Variants in BFSP1 observed in about 807,000 individuals in gnomAD.
BFSP1 encodes the protein filensin.
In BFSP1, 38 loss-of-function variants were observed where a neutral mutation model predicts 43.9. The ratio of observed to expected loss-of-function variants is 0.87; its 90% confidence interval spans 0.67 to 1.14. The LOEUF is 1.14. Among genes scored for constraint, BFSP1 ranks in the 50% most tolerant of loss-of-function variants. The pLI, the probability that BFSP1 is intolerant of heterozygous loss-of-function variation, is 0.00. For missense variants in BFSP1, 850 were observed against 875.1 expected (o/e 0.97, Z 0.36); for synonymous variants, 352 against 354.8 (o/e 0.99, Z 0.09).
In BFSP1 at chr20:17,493,967, T is replaced by C. The variant is rs1237664573; in HGVS notation, c.*107A>G. On this transcript the variant is annotated 3_prime_UTR_variant, in exon 8 of 8. Transcript: ENST00000377873. The stretch of plus-strand genomic sequence containing the variant: ...GCAATGCCAGATGGGTCAACTATGG[T>C]CTAATCCAAACAGGAACCCTCACCC... The C allele has an allele frequency of 3.6e-6, 4 of 1,106,262 alleles. No homozygotes were observed. Among genetic ancestry groups the C allele is most frequent in the East Asian group, 2.4e-5 (1 of 41,690 alleles). 68.5% of individuals were successfully genotyped at this position (1,106,262 alleles called of 1,614,324 possible). A position where few individuals can be genotyped will look rare whatever the true frequency, so the allele number is the denominator to read the frequency against.
Position 17,530,939 on chromosome 20 carries a change from T to A in BFSP1, c.377+14A>T, listed in dbSNP as rs1225654664. On this transcript the variant is annotated intron_variant, in intron 1 of 7. Transcript: ENST00000377873. ...CACGCCCTGCCTCGGTTTCCCCCGA[T>A]GGCCGCCGCTTACTTGCTTCGGAAC... The A allele has an allele frequency of 5.4e-5, 76 of 1,409,976 alleles. No individual in the cohort carries two copies. Among genetic ancestry groups the A allele is most frequent in the Non-Finnish European group, 6.7e-5 (73 of 1,085,378 alleles). 87.3% of individuals were successfully genotyped at this position (1,409,976 alleles called of 1,614,324 possible).
At chr20:17,567,212 G>GCT (rs777726495) in intron 1 of BFSP1, among the ~76,000 whole-genome samples, 11 of 152,114 alleles carry the variant, frequency 7.2e-5, no homozygotes, top group Non-Finnish European at 1.6e-4. Context: ...AAAAATGGGG[G>GCT]CTCATCTTAA....
In BFSP1 at chr20:17,496,929, G is replaced by A. The variant is rs1227211440; in HGVS notation, c.1042+9C>T. 6.5e-7 allele frequency: 1 copy of A among 1,528,074 alleles called. No individual in the cohort carries two copies. Among genetic ancestry groups the A allele is most frequent in the Admixed American group, 2.2e-5 (1 of 45,256 alleles). The allele number at this position is 1,528,074 out of a possible 1,614,324, so 94.7% of individuals were successfully genotyped here. A position where few individuals can be genotyped will look rare whatever the true frequency, so the allele number is the denominator to read the frequency against. ...AAAAAAACAGAAGTCCAGTGTTGGG[G>A]AGCGTTACCTTTCCCACCGGATCCA... On this transcript the variant is annotated intron_variant, in intron 7 of 7. Transcript: ENST00000377873.
At chr20:17,508,262 C>A (rs572443198) in intron 5 of BFSP1, among the ~76,000 whole-genome samples, 1 of 152,122 alleles carries the variant, frequency 6.6e-6, no homozygotes, top group Non-Finnish European at 1.5e-5. Flanking sequence ...GAAGATGAGC[C>A]GGCAAGTAGC....
chr20:17,511,980 C>T lies in BFSP1; in HGVS notation c.623G>A (p.Arg208Lys), dbSNP rs752477946. Residue 208 changes from arginine to lysine, a missense_variant, in exon 4 of 8, where the codon AGG becomes AAG. Arg to Lys is a conservative substitution (Grantham distance 26). Coordinates refer to ENST00000377873, the MANE Select transcript of BFSP1 (RefSeq NM_001195.5). Reference protein sequence around the residue: ...PPASIVTSGMREEKLLTEREV... With the variant: ...PPASIVTSGMKEEKLLTEREV... Reference sequence around the variant, plus strand: ...TTTTCCTGCTTCAATTCTTACCTCCCTCATCCCACTCGTCACAATGGATGC... The same window carrying T: ...TTTTCCTGCTTCAATTCTTACCTCCTTCATCCCACTCGTCACAATGGATGC... The T allele has an allele frequency of 8.7e-6, 14 of 1,603,726 alleles. No homozygotes were observed. Among genetic ancestry groups the T allele is most frequent in the Admixed American group, 6.7e-5 (4 of 59,966 alleles).
chr20:17,502,979 T>C (rs6111551), intron 5 of BFSP1, among the ~76,000 whole-genome samples: 31,576 of 152,090 alleles, frequency 0.21, 3,729 homozygotes, highest in Middle Eastern at 0.3. Context: ...AGAGGGGCCA[T>C]GTGTTGAGGG....
At chr20:17,529,067 G>GTA (rs2034479222) in intron 1 of BFSP1, among the ~76,000 whole-genome samples, 1 of 148,546 alleles carries the variant, frequency 6.7e-6, no homozygotes, top group Admixed American at 6.6e-5. Flanking sequence ...TTAAATAAGT[G>GTA]TGTGTGTGTG....
At chr20:17,517,299 G>C in intron 2 of BFSP1, 1 of 1,237,058 alleles carries the variant, frequency 8.1e-7, no homozygotes, top group South Asian at 1.2e-5. Flanking sequence ...CAACAAACCA[G>C]AAGACAAGGA....
At chr20:17,515,164 G>C (rs774679328) in intron 2 of BFSP1, among the ~76,000 whole-genome samples, 1 of 152,120 alleles carries the variant, frequency 6.6e-6, no homozygotes, top group Non-Finnish European at 1.5e-5. Context: ...CAATACACAG[G>C]ACAGCATCCC....
intron 1 of BFSP1, among the ~76,000 whole-genome samples, chr20:17,568,791 T>A (rs1163321569): frequency 6.6e-6 from 1 of 151,900 alleles, no homozygotes; most frequent in Non-Finnish European, 1.5e-5. Flanking sequence ...AACCTAGATT[T>A]TACGTAGTGC....
intron 3 of BFSP1, 80 bp from the exon 4 acceptor site, chr20:17,512,148 T>G: frequency 1.7e-6 from 2 of 1,183,958 alleles, no homozygotes; most frequent in Non-Finnish European, 1.2e-6. Context: ...AGAACAGGAA[T>G]GGACACTTCC....
chr20:17,539,967 A>G lies in BFSP1; in HGVS notation c.3-15059T>C, dbSNP rs141641662. On this transcript the variant is annotated intron_variant, in intron 1 of 7. Transcript: ENST00000377868. Reference sequence around the variant, plus strand: ...AATAGTGCAAGCTATTTTATGAACTATTTTCATATTGTGCATACAGTTTAG... The same window carrying G: ...AATAGTGCAAGCTATTTTATGAACTGTTTTCATATTGTGCATACAGTTTAG... Among the ~76,000 whole-genome samples the G allele has an allele frequency of 7.2e-3, 1,090 of 152,174 alleles. 17 individuals are homozygous for G. The highest frequency in any genetic ancestry group is 0.019 in the East Asian group (97 of 5,180).
chr20:17,511,856 G>A, intron 4 of BFSP1, 120 bp downstream of exon 4: 1 of 699,860 alleles, frequency 1.4e-6, no homozygotes, highest in East Asian at 2.6e-5. Flanking sequence ...ATACAAGGCA[G>A]GAGTGGGGAG....
rs373485156 is a variant in BFSP1 at position 17,507,272 on chromosome 20, GGTGTGTGTGTGTGTGTGTGT to G, written c.735+1597_735+1616del. On this transcript the variant is annotated intron_variant, in intron 5 of 7. Coordinates refer to ENST00000377873, the MANE Select transcript of BFSP1 (RefSeq NM_001195.5). This position sits in a 1 kb window ranked among gnomAD's most constrained non-coding sequence, Gnocchi z 4.4. ...GCGAGCCATACACATCAGATAGGTAGGTGTGTGTGTGTGTGTGTGTGTGTGTGTGTGTGTATTTCAACATA... is the reference window on the plus strand; with the variant it reads ...GCGAGCCATACACATCAGATAGGTAGGTGTGTGTGTGTGTATTTCAACATA... 1.4e-5 allele frequency among the ~76,000 whole-genome samples: 2 copies of G among 141,226 alleles called. No individual in the cohort carries two copies. The highest frequency in any genetic ancestry group is 5.3e-5 in the African/African-American group (2 of 37,768). 92.6% of individuals were successfully genotyped at this position (141,226 alleles called of 152,430 possible). A position where few individuals can be genotyped will look rare whatever the true frequency, so the allele number is the denominator to read the frequency against.
Position 17,525,050 on chromosome 20 carries a change from G to GGA in BFSP1, c.378-143_378-142insTC. On this transcript the variant is annotated intron_variant, in intron 1 of 7. Coordinates refer to ENST00000377873, the MANE Select transcript of BFSP1 (RefSeq NM_001195.5). The surrounding 1 kb of genome is among the most constrained non-coding windows in gnomAD (Gnocchi z 4.2). ...TCTTAATTTTAAAGTAGTAGCTAAC[G>GGA]AATGCTGCATTTCCTAGCTGACTGC... 1 of 732,398 alleles carries GGA rather than the reference G, an allele frequency of 1.4e-6. No individual in the cohort carries two copies. The highest frequency in any genetic ancestry group is 2.4e-6 in the Non-Finnish European group (1 of 416,740). The allele number at this position is 732,398 out of a possible 1,614,324, so 45.4% of individuals were successfully genotyped here.
chr20:17,514,944 G>T, intron 2 of BFSP1, 128 bp from the exon 3 acceptor site: 1 of 776,220 alleles, frequency 1.3e-6, no homozygotes, highest in Non-Finnish European at 2.2e-6. Flanking sequence ...AGTAGGTCTG[G>T]GAGGGGTCTG....
intron 3 of BFSP1, among the ~76,000 whole-genome samples, chr20:17,514,408 C>T (rs1323160653): frequency 2.0e-5 from 3 of 152,084 alleles, no homozygotes; most frequent in Admixed American, 6.5e-5. Context: ...ATTTTCTGAG[C>T]GGAAACAGTT....
At chr20:17,521,113 T>C (rs943798817) in intron 2 of BFSP1, among the ~76,000 whole-genome samples, 1 of 152,080 alleles carries the variant, frequency 6.6e-6, no homozygotes, top group Admixed American at 6.6e-5. Context: ...ACGTATATAT[T>C]TGGTGACCAT....
chr20:17,541,314 C>T (rs1418851424), intron 1 of BFSP1: 1 of 955,552 alleles, frequency 1.0e-6, no homozygotes, highest in Admixed American at 6.2e-5. Context: ...CTGAATAGTG[C>T]TTGGCCAAAG....
Sources: allele counts gnomAD v4.1 joint callset (sites outside exome capture counted in the v4.1 genomes callset), GRCh38; gene constraint gnomAD v4.1.1; non-coding constraint Gnocchi (gnomAD v3.1); transcripts MANE v1.5; gene names NCBI Gene and HGNC (gene_info 2026-07-23, HGNC 2026-07-21).